The following BTRC variants were observed in gnomAD, a reference collection of about 807,000 sequenced individuals.
The protein encoded by BTRC is F-box/WD repeat-containing protein 1A.
BTRC carries 42 observed loss-of-function variants against 85.5 expected under a neutral mutation model. The observed-to-expected ratio is 0.49, with a 90% CI of 0.38 to 0.64. The LOEUF (loss-of-function observed/expected upper bound fraction) is 0.64, where lower values mean the gene tolerates loss of function less well. BTRC is among the 30% of genes least tolerant of loss of function. The pLI, the probability that BTRC is intolerant of heterozygous loss-of-function variation, is 0.00. For missense variants in BTRC, 594 were observed against 743.5 expected (o/e 0.80, Z 2.34); for synonymous variants, 255 against 263.3 (o/e 0.97, Z 0.30).
upstream of BTRC, chr10:101,354,079 G>A (rs41317282): frequency 1.5e-6 from 2 of 1,365,368 alleles, no homozygotes; most frequent in Non-Finnish European, 2.0e-6. Context: ...AAGAGAGGGC[G>A]GGGGGAAGGA....
At chr10:101,477,579 G>T (rs1945723111) in intron 3 of BTRC, among the ~76,000 whole-genome samples, 1 of 152,196 alleles carries the variant, frequency 6.6e-6, no homozygotes, top group African/African-American at 2.4e-5. Flanking sequence ...CTCCCAAAGT[G>T]CTGGGATCAC....
intron 13 of BTRC, among the ~76,000 whole-genome samples, chr10:101,539,877 A>C (rs2062440281): frequency 6.6e-6 from 1 of 152,190 alleles, no homozygotes; most frequent in South Asian, 2.1e-4. Flanking sequence ...TTGTGGTTTA[A>C]TTCGTGTATC....
At position 101,557,240 on chromosome 10, in the gene BTRC, A is replaced by G. The variant is rs1412106780; in HGVS notation, c.*4117A>G. 6.6e-6 allele frequency: 1 copy of G among 152,190 alleles called. No homozygotes were observed. The highest frequency in any genetic ancestry group is 1.5e-5 in the Non-Finnish European group (1 of 68,030). The allele number at this position is 152,190 out of a possible 1,614,324, so 9.4% of individuals were successfully genotyped here. ...AATATGTTCACAACCTAGGATCATG[A>G]TAATGGAGTGTGTTTTGGGTTTTTT... On this transcript the variant is annotated 3_prime_UTR_variant, in exon 15 of 15. Coordinates refer to ENST00000370187, the MANE Select transcript of BTRC (RefSeq NM_033637.4).
At position 101,428,799 on chromosome 10, in the gene BTRC, C is replaced by T. The variant is rs527524199; in HGVS notation, c.49-1546C>T. 1.2e-4 allele frequency among the ~76,000 whole-genome samples: 19 copies of T among 152,222 alleles called. No homozygotes were observed. In the South Asian group the frequency reaches 2.1e-3, roughly 17 times the overall value. ...CTAAAATCAGGGGATATACATAGAT[C>T]TCCTTTGGATTTATTTGCAGCCCAT... is the stretch of plus-strand genomic sequence containing the variant. On this transcript the variant is annotated intron_variant, in intron 1 of 14. Transcript: ENST00000370187.
At chr10:101,367,599 A>G (rs1413114489) in intron 1 of BTRC, among the ~76,000 whole-genome samples, 1 of 152,114 alleles carries the variant, frequency 6.6e-6, no homozygotes, top group African/African-American at 2.4e-5. Context: ...TGCTCCCTTT[A>G]GTTACTAACT....
intron 1 of BTRC, among the ~76,000 whole-genome samples, chr10:101,406,060 TA>T (rs1943611420): frequency 6.6e-6 from 1 of 152,236 alleles, no homozygotes; most frequent in Non-Finnish European, 1.5e-5. Flanking sequence ...ATTTTCCCTT[TA>T]GTTCTGAGTT....
rs1029312957 is a variant in BTRC, at chr10:101,544,702, C to T, written c.1657-5997C>T. Among the ~76,000 whole-genome samples, 22 of 152,198 alleles carry T rather than the reference C, an allele frequency of 1.4e-4. No individual in the cohort carries two copies. The South Asian group carries it at 2.1e-3, about 14-fold the overall frequency. ...AGATTATTACAGGTGCAAGCCACTG[C>T]GCCTGGCTCTGAAAAAGTTTTCGTT... On this transcript the variant is annotated intron_variant, in intron 13 of 14. Transcript: ENST00000370187.
At chr10:101,549,440 T>G (rs2062611162) in intron 13 of BTRC, among the ~76,000 whole-genome samples, 1 of 150,150 alleles carries the variant, frequency 6.7e-6, no homozygotes, top group Non-Finnish European at 1.5e-5. Flanking sequence ...CTAAAAAAAA[T>G]GATGATGATG....
chr10:101,404,031 T>TATGTATATATA (rs1472677968), intron 1 of BTRC, among the ~76,000 whole-genome samples: 1 of 12,136 alleles, frequency 8.2e-5, no homozygotes, highest in East Asian at 2.0e-3. Flanking sequence ...TATATATATA[T>TATGTATATATA]TTTTTTTTTT....
Position 101,375,016 on chromosome 10 carries a change from A to G in BTRC, c.48+20788A>G, listed in dbSNP as rs572547715. On this transcript the variant is annotated intron_variant, in intron 1 of 14. Transcript: ENST00000370187. ...CTGCAGGGTGGCTAGGAGTTGGGGA[A>G]AAGAAATTGACTAGGTGTCTGTTGG... Among the ~76,000 whole-genome samples the G allele has an allele frequency of 3.3e-5, 5 of 152,254 alleles. No homozygotes were observed. The East Asian group carries it at 9.7e-4, about 29-fold the overall frequency.
chr10:101,519,515 C>T (rs1425006951), intron 4 of BTRC, among the ~76,000 whole-genome samples: 2 of 152,188 alleles, frequency 1.3e-5, no homozygotes, highest in African/African-American at 4.8e-5. Flanking sequence ...CAGCTGTCCC[C>T]CTTCCTCTTC....
rs1945779594 is a variant in BTRC, at chr10:101,479,412, A to G, written c.279A>G (p.Val93=). 1 of 1,613,378 alleles carries G rather than the reference A, an allele frequency of 6.2e-7. No homozygotes were observed. Among genetic ancestry groups the G allele is most frequent in the Non-Finnish European group, 8.5e-7 (1 of 1,179,592 alleles). ...CARLCLNQET[V]CLASTAMKTE... is the part of the protein sequence containing the mutation. ...GACTCTGCTTAAACCAAGAAACAGT[A>G]TGTTTAGCAAGCACTGCTATGAAGA... Residue 93 remains valine, a synonymous_variant, in exon 4 of 15, where the codon GTA becomes GTG. Coordinates refer to ENST00000370187, the MANE Select transcript of BTRC (RefSeq NM_033637.4).
intron 1 of BTRC, among the ~76,000 whole-genome samples, chr10:101,426,018 A>T (rs1296981614): frequency 6.6e-6 from 1 of 152,194 alleles, no homozygotes; most frequent in Non-Finnish European, 1.5e-5. Context: ...TCAGAAACTG[A>T]CCAATCAGAA....
intron 1 of BTRC, among the ~76,000 whole-genome samples, chr10:101,406,356 T>C (rs1209517620): frequency 5.3e-5 from 8 of 151,648 alleles, no homozygotes; most frequent in Middle Eastern, 3.2e-3. Flanking sequence ...TTTTGTATTT[T>C]TAGTAGAGAC....
intron 2 of BTRC, among the ~76,000 whole-genome samples, chr10:101,442,414 C>A (rs1944711888): frequency 6.6e-6 from 1 of 151,918 alleles, no homozygotes; most frequent in Non-Finnish European, 1.5e-5. Context: ...TATGGAACTA[C>A]TACGTGGTCT....
intron 4 of BTRC, among the ~76,000 whole-genome samples, chr10:101,509,244 T>TG (rs1946628550): frequency 6.1e-5 from 2 of 32,688 alleles, no homozygotes; most frequent in African/African-American, 2.7e-4. Flanking sequence ...GCAATGTGGA[T>TG]TTTTTTTTTT....
intron 13 of BTRC, among the ~76,000 whole-genome samples, chr10:101,549,017 C>CA (rs1216128389): frequency 3.3e-5 from 5 of 151,420 alleles, no homozygotes; most frequent in Non-Finnish European, 4.4e-5. Context: ...CGCGCCACTG[C>CA]ACTCCACCCT....
chr10:101,419,637 A>G (rs1253143568), intron 1 of BTRC, among the ~76,000 whole-genome samples: 2 of 152,216 alleles, frequency 1.3e-5, no homozygotes, highest in Admixed American at 1.3e-4. Context: ...GTCTGTTAGC[A>G]AGATGGAAGT....
intron 2 of BTRC, among the ~76,000 whole-genome samples, chr10:101,456,203 T>C (rs1222139190): frequency 6.6e-6 from 1 of 150,978 alleles, no homozygotes; most frequent in African/African-American, 2.4e-5. Context: ...GCCACTCTAG[T>C]GTATAGAATA....
Sources: gnomAD v4.1 joint callset for allele counts (sites outside exome capture counted in the v4.1 genomes callset) on GRCh38, gnomAD v4.1.1 for gene constraint, MANE v1.5 for transcripts, NCBI Gene and HGNC (gene_info 2026-07-23, HGNC 2026-07-21) for gene names.